Variants in SORCS1 observed in about 807,000 individuals in gnomAD.
SORCS1 encodes the protein VPS10 domain-containing receptor SorCS1.
SORCS1 carries 60 observed loss-of-function variants against 146.1 expected under a neutral mutation model. That is an observed-to-expected ratio of 0.41 (90% CI 0.33 to 0.51). SORCS1 has a LOEUF of 0.51. Among genes scored for constraint, SORCS1 ranks in the 20% least tolerant of loss-of-function variants. The pLI, the probability that SORCS1 is intolerant of heterozygous loss-of-function variation, is 0.21. For synonymous variants in SORCS1, 637 were observed against 584.0 expected (o/e 1.09, Z -1.31); for missense variants, 1,352 against 1,487.6 (o/e 0.91, Z 1.50).
rs1353419276 is a variant in SORCS1, at chr10:106,659,463, T to G, written c.2304-6910A>C. Among the ~76,000 whole-genome samples, 3 of 152,320 alleles carry G rather than the reference T, an allele frequency of 2.0e-5. No individual in the cohort carries two copies. In the East Asian group the frequency reaches 5.8e-4, roughly 29 times the overall value. ...AGAATCCACTATCTGAGCCTACCAGTTGTACGACTAAGTTAATATGAATTT... is the reference window on the plus strand; with the variant it reads ...AGAATCCACTATCTGAGCCTACCAGGTGTACGACTAAGTTAATATGAATTT... On this transcript the variant is annotated intron_variant, in intron 17 of 25. Coordinates refer to ENST00000263054, the MANE Select transcript of SORCS1 (RefSeq NM_052918.5).
chr10:107,161,126 C>G (rs536006368), intron 1 of SORCS1, among the ~76,000 whole-genome samples: 1 of 152,270 alleles, frequency 6.6e-6, no homozygotes, highest in South Asian at 2.1e-4. Flanking sequence ...TACAACTGCT[C>G]AAGTCCAACA....
rs1031949123 is a variant in SORCS1, at chr10:107,024,982, G to A, written c.559-68402C>T. Among the ~76,000 whole-genome samples the A allele has an allele frequency of 7.2e-5, 11 of 152,126 alleles. 1 individual carries two copies. The highest frequency in any genetic ancestry group is 1.3e-4 in the Non-Finnish European group (9 of 68,036). ...TTTAACTAGCTGGCTTGGGGCTAAG[G>A]GTTAGTATTATCAGTACTAGAGTGT... is the stretch of plus-strand genomic sequence containing the variant. On this transcript the variant is annotated intron_variant, in intron 1 of 25. Transcript: ENST00000263054.
chr10:106,647,442 T>C (rs970860384), intron 18 of SORCS1, among the ~76,000 whole-genome samples: 4 of 147,530 alleles, frequency 2.7e-5, no homozygotes, highest in African/African-American at 9.8e-5. Flanking sequence ...AGAGGATTTA[T>C]ATGTCCAGGT....
At chr10:107,131,539 A>G (rs1966871313) in intron 1 of SORCS1, among the ~76,000 whole-genome samples, 1 of 152,128 alleles carries the variant, frequency 6.6e-6, no homozygotes, top group Non-Finnish European at 1.5e-5. Flanking sequence ...CCTGGCCAAC[A>G]TGGCGAACCC....
At chr10:106,664,175 T>C (rs1168696232) in intron 17 of SORCS1, among the ~76,000 whole-genome samples, 1 of 152,264 alleles carries the variant, frequency 6.6e-6, no homozygotes, top group Non-Finnish European at 1.5e-5. Context: ...ATTTCGTGAC[T>C]ACTAAACATA....
chr10:106,839,056 C>T (rs1317719297), intron 2 of SORCS1, among the ~76,000 whole-genome samples: 1 of 152,140 alleles, frequency 6.6e-6, no homozygotes, highest in African/African-American at 2.4e-5. Flanking sequence ...TCAGGCCTCC[C>T]TCTTGCCTGA....
intron 1 of SORCS1, among the ~76,000 whole-genome samples, chr10:107,133,286 G>A (rs1262796418): frequency 1.3e-5 from 2 of 152,146 alleles, no homozygotes; most frequent in Non-Finnish European, 2.9e-5. Flanking sequence ...CAGAAGAACA[G>A]GATCCATGGA....
chr10:106,859,485 C>T (rs532229648), intron 2 of SORCS1, among the ~76,000 whole-genome samples: 1 of 152,284 alleles, frequency 6.6e-6, no homozygotes, highest in Non-Finnish European at 1.5e-5. Context: ...GCTCCGCCTC[C>T]CGGGCTCAAG....
At chr10:106,996,225 T>TAAAAAA (rs376245294) in intron 1 of SORCS1, among the ~76,000 whole-genome samples, 3 of 99,658 alleles carry the variant, frequency 3.0e-5, no homozygotes, top group African/African-American at 4.2e-5. Context: ...AGACTCCATC[T>TAAAAAA]AAAAAAAAAA....
chr10:107,116,777 CA>C (rs532955816), intron 1 of SORCS1, among the ~76,000 whole-genome samples: 120 of 152,160 alleles, frequency 7.9e-4, no homozygotes, highest in African/African-American at 2.6e-3. Context: ...AATCATTACA[CA>C]AAGTATACAC....
chr10:106,597,268 A>G (rs1845959788), intron 24 of SORCS1, 83 bp downstream of exon 24: 3 of 1,079,248 alleles, frequency 2.8e-6, no homozygotes, highest in Non-Finnish European at 4.3e-6. Flanking sequence ...GTTACCATCT[A>G]GCCTTTTTAT....
rs561815981 is a variant in SORCS1, at chr10:106,959,465, T to C, written c.559-2885A>G. Among the ~76,000 whole-genome samples the C allele has an allele frequency of 3.9e-5, 6 of 152,342 alleles. No homozygotes were observed. In the East Asian group the frequency reaches 1.2e-3, roughly 29 times the overall value. On this transcript the variant is annotated intron_variant, in intron 1 of 25. Transcript: ENST00000263054. Reference sequence around the variant, plus strand: ...CTTATTACTGAACAACGATGCATCCTTATGTTAGATATGTTTTGCTGTTTG... The same window carrying C: ...CTTATTACTGAACAACGATGCATCCCTATGTTAGATATGTTTTGCTGTTTG...
chr10:106,794,981 A>G (rs759663325), intron 3 of SORCS1, among the ~76,000 whole-genome samples: 1 of 152,214 alleles, frequency 6.6e-6, no homozygotes, highest in Non-Finnish European at 1.5e-5. Context: ...ACCTTAGGAA[A>G]TCACTTCTTA....
chr10:106,722,427 A>G (rs558503639), intron 6 of SORCS1, among the ~76,000 whole-genome samples: 4 of 152,284 alleles, frequency 2.6e-5, no homozygotes, highest in African/African-American at 9.6e-5. Flanking sequence ...TCCAGTTCTT[A>G]CCCAAGACCA....
intron 2 of SORCS1, among the ~76,000 whole-genome samples, chr10:106,883,793 C>T (rs1478423473): frequency 2.0e-5 from 3 of 152,184 alleles, no homozygotes; most frequent in Non-Finnish European, 4.4e-5. Flanking sequence ...TTCTCTGACT[C>T]ACCAGGGAAA....
chr10:106,751,054 G>C (rs1297900682), intron 5 of SORCS1, among the ~76,000 whole-genome samples: 1 of 50,220 alleles, frequency 2.0e-5, no homozygotes, highest in African/African-American at 1.1e-4. Flanking sequence ...GTGAGACTCC[G>C]TCTCAAAAAA....
chr10:106,748,262 G>A lies in SORCS1; in HGVS notation c.959+13326C>T, dbSNP rs1436654940. 5.3e-5 allele frequency among the ~76,000 whole-genome samples: 8 copies of A among 152,064 alleles called. No homozygotes were observed. In the East Asian group the frequency reaches 5.8e-4, roughly 11 times the overall value. On this transcript the variant is annotated intron_variant, in intron 5 of 25. Transcript: ENST00000263054. Reference sequence around the variant, plus strand: ...AAGCACGTGCTCACTTCATGTCTCCGTGCCACATTTTGCTAATTTTTGCAA... The same window carrying A: ...AAGCACGTGCTCACTTCATGTCTCCATGCCACATTTTGCTAATTTTTGCAA...
At chr10:106,807,246 G>T (rs1351945891) in intron 3 of SORCS1, among the ~76,000 whole-genome samples, 2 of 152,184 alleles carry the variant, frequency 1.3e-5, no homozygotes, top group African/African-American at 4.8e-5. Context: ...AGAGTGCAAG[G>T]ACTGCAGATA....
chr10:107,040,894 C>T (rs1197542048), intron 1 of SORCS1, among the ~76,000 whole-genome samples: 1 of 152,144 alleles, frequency 6.6e-6, no homozygotes, highest in Non-Finnish European at 1.5e-5. Flanking sequence ...CTCCTGGTAT[C>T]TATCCTAGAG....
Sources: allele counts gnomAD v4.1 joint callset (sites outside exome capture counted in the v4.1 genomes callset), GRCh38; gene constraint gnomAD v4.1.1; transcripts MANE v1.5; gene names NCBI Gene and HGNC (gene_info 2026-07-23, HGNC 2026-07-21).